SP2: variants seen among roughly 807,000 people sequenced by gnomAD.
The protein encoded by SP2 is transcription factor Sp2.
Under a neutral mutation model 50.1 loss-of-function variants are expected in SP2, and 9 were observed. The ratio of observed to expected loss-of-function variants is 0.18; its 90% CI spans 0.11 to 0.31. The LOEUF is 0.31. Among genes scored for constraint, SP2 ranks in the 10% least tolerant of loss-of-function variants. The pLI, the probability that SP2 is intolerant of heterozygous loss-of-function variation, is 1.00. For synonymous variants in SP2, 313 were observed against 326.6 expected (o/e 0.96, Z 0.45); for missense variants, 581 against 806.5 (o/e 0.72, Z 3.39).
chr17:47,901,144 G>A (rs946086371), intron 1 of SP2, among the ~76,000 whole-genome samples: 5 of 144,328 alleles, frequency 3.5e-5, no homozygotes, highest in South Asian at 2.2e-4. Flanking sequence ...AAGTGCCTTC[G>A]TTATCTTTTT....
intron 1 of SP2, chr17:47,897,309 T>C (rs557220785): frequency 1.3e-5 from 2 of 152,378 alleles, no homozygotes; most frequent in Non-Finnish European, 2.9e-5. Flanking sequence ...ATTCCTTGGT[T>C]TTGATTGCAA....
chr17:47,928,891 G>C lies in SP2; in HGVS notation c.*1067G>C, dbSNP rs2035757470. 1 of 152,620 alleles carries C rather than the reference G, an allele frequency of 6.6e-6. No homozygotes were observed. The allele number at this position is 152,620 out of a possible 1,614,324, so 9.5% of individuals were successfully genotyped here. On this transcript the variant is annotated 3_prime_UTR_variant, in exon 7 of 7. Transcript: ENST00000376741. Reference sequence around the variant, plus strand: ...TATCCTTTATTAACGTACTTTGTTGGTCAGCACTGGGCTGACAAAAATTTT... The same window carrying C: ...TATCCTTTATTAACGTACTTTGTTGCTCAGCACTGGGCTGACAAAAATTTT...
intron 1 of SP2, among the ~76,000 whole-genome samples, chr17:47,910,008 C>T (rs141612510): frequency 0.038 from 5,739 of 152,194 alleles, 134 homozygotes; most frequent in Middle Eastern, 0.079. Flanking sequence ...CCACCACACC[C>T]GGCTAATTTT....
At chr17:47,912,083 G>C (rs552173745) in intron 1 of SP2, among the ~76,000 whole-genome samples, 16 of 152,272 alleles carry the variant, frequency 1.1e-4, no homozygotes, top group Non-Finnish European at 1.9e-4. Flanking sequence ...CCATGCTCTT[G>C]ATGTATCCAT....
chr17:47,913,597 G>A (rs996852287), intron 1 of SP2, among the ~76,000 whole-genome samples: 11 of 151,960 alleles, frequency 7.2e-5, no homozygotes, highest in African/African-American at 2.7e-4. Context: ...TATTAGGGAC[G>A]GGGTCTAACT....
rs2035209197 is a variant in SP2 at position 47,916,549 on chromosome 17, C to T, written c.478C>T (p.Pro160Ser). 2 of 1,614,136 alleles carry T rather than the reference C, an allele frequency of 1.2e-6. No homozygotes were observed. Among genetic ancestry groups the T allele is most frequent in the Non-Finnish European group, 8.5e-7 (1 of 1,180,030 alleles). Residue 160 changes from proline (P) to serine (S), a missense_variant, in exon 3 of 7, where the codon CCT becomes TCT. Around this residue, in one of 2 missense-constraint regions of SP2, gnomAD observed 397 missense variants for 491.0 expected, o/e 0.81. Transcript: ENST00000376741. This position sits in a 1 kb window ranked among gnomAD's most constrained non-coding sequence, Gnocchi z 4.7. ...PNLTNQIQII[P>S]GTNQAIITPS... ...TCTCACCAACCAGATCCAGATCATC[C>T]CTGGCACCAACCAAGCCATCATCAC...
intron 1 of SP2, among the ~76,000 whole-genome samples, chr17:47,903,270 A>G (rs1732231070): frequency 6.6e-6 from 1 of 152,256 alleles, no homozygotes; most frequent in Non-Finnish European, 1.5e-5. Context: ...CAACCCAATC[A>G]TTTAGAATTT....
In SP2 at chr17:47,925,529, C is replaced by G; in HGVS notation, c.1729C>G (p.Arg577Gly). The G allele has an allele frequency of 6.2e-7, 1 of 1,613,786 alleles. No individual in the cohort carries two copies. ...TRSDELQRHA[R>G]THTGDKRFEC... ...GAGTGACGAGCTCCAACGGCATGCT[C>G]GCACCCACACAGGTCAGCCCCCTGC... Residue 577 changes from arginine (R) to glycine (G), a missense_variant, in exon 6 of 7, where the codon CGC (arginine) becomes GGC (glycine). Arg to Gly is a moderately radical substitution (Grantham distance 125). Coordinates refer to ENST00000376741, the MANE Select transcript of SP2 (RefSeq NM_003110.6).
intron 1 of SP2, among the ~76,000 whole-genome samples, chr17:47,896,897 C>T (rs1396987765): frequency 6.6e-6 from 1 of 152,206 alleles, no homozygotes; most frequent in African/African-American, 2.4e-5. Flanking sequence ...CGAGAGCACT[C>T]CCTGGGCAGA....
intron 3 of SP2, among the ~76,000 whole-genome samples, chr17:47,920,312 C>T (rs1371015157): frequency 2.4e-4 from 35 of 144,798 alleles, no homozygotes; most frequent in African/African-American, 9.1e-4. Context: ...TTTTTGGAGA[C>T]GAAGTCTCAC....
chr17:47,896,236 A>G lies in SP2; in HGVS notation c.-51A>G, dbSNP rs2034320318. The G allele has an allele frequency of 8.1e-7, 1 of 1,236,062 alleles. No individual in the cohort carries two copies. The highest frequency in any genetic ancestry group is 1.0e-6 in the Non-Finnish European group (1 of 988,042). 76.6% of individuals were successfully genotyped at this position (1,236,062 alleles called of 1,614,324 possible). ...TGGCGGTTGCTTGGCGGGCGGTGTC[A>G]GGCTCTCGGTGGCGGCGGAGGCGGC... On this transcript the variant is annotated 5_prime_UTR_variant, in exon 1 of 7. Coordinates refer to ENST00000376741, the MANE Select transcript of SP2 (RefSeq NM_003110.6).
At chr17:47,896,706 C>T (rs923795961) in intron 1 of SP2, among the ~76,000 whole-genome samples, 1 of 152,236 alleles carries the variant, frequency 6.6e-6, no homozygotes, top group Non-Finnish European at 1.5e-5. Flanking sequence ...CGCCCCGTGT[C>T]TGAGAGGCCT....
At chr17:47,926,766 A>T (rs1268391935) in intron 6 of SP2, among the ~76,000 whole-genome samples, 69 of 152,042 alleles carry the variant, frequency 4.5e-4, no homozygotes. Context: ...TCTTAAAAAA[A>T]AAAAAGGATT....
rs919704803 is a variant in SP2, at chr17:47,896,271, G to A, written c.-16G>A. On this transcript the variant is annotated 5_prime_UTR_variant, in exon 1 of 7. Coordinates refer to ENST00000376741, the MANE Select transcript of SP2 (RefSeq NM_003110.6). ...TGGCGGCGGAGGCGGCGGAGGCCAGGGAGGAAGATGTCGTAATGAGCGGTG... is the reference window on the plus strand; with the variant it reads ...TGGCGGCGGAGGCGGCGGAGGCCAGAGAGGAAGATGTCGTAATGAGCGGTG... 8.1e-7 allele frequency: 1 copy of A among 1,240,254 alleles called. No homozygotes were observed. The highest frequency in any genetic ancestry group is 1.0e-6 in the Non-Finnish European group (1 of 988,822). 76.8% of individuals were successfully genotyped at this position (1,240,254 alleles called of 1,614,324 possible).
At chr17:47,901,629 G>T (rs1051400043) in intron 1 of SP2, among the ~76,000 whole-genome samples, 2 of 152,116 alleles carry the variant, frequency 1.3e-5, no homozygotes, top group South Asian at 4.1e-4. Context: ...GATGAGAGGC[G>T]TGCGCTTTGA....
intron 4 of SP2, 46 bp downstream of exon 4, chr17:47,923,320 C>G: frequency 1.4e-6 from 2 of 1,476,420 alleles, no homozygotes; most frequent in Non-Finnish European, 1.8e-6. Flanking sequence ...GGTACCTGCT[C>G]CTAGCAGGTG....
Position 47,927,878 on chromosome 17 carries a change from TGG to T in SP2, c.*56_*57del. Reference sequence around the variant, plus strand: ...TGCAGTCCCCCACCTGTGTCCTCCCTGGGCCCCTGGTGGAAAGGAGCCCTGTG... The same window carrying T: ...TGCAGTCCCCCACCTGTGTCCTCCCTGCCCCTGGTGGAAAGGAGCCCTGTG... On this transcript the variant is annotated 3_prime_UTR_variant, in exon 7 of 7. Transcript: ENST00000376741. The T allele has an allele frequency of 3.6e-6, 4 of 1,117,776 alleles. No individual in the cohort carries two copies. Among genetic ancestry groups the T allele is most frequent in the Non-Finnish European group, 5.3e-6 (4 of 751,028 alleles). 69.2% of individuals were successfully genotyped at this position (1,117,776 alleles called of 1,614,324 possible).
At chr17:47,917,202 GC>G in intron 3 of SP2, 72 bp downstream of exon 3, 1 of 1,430,370 alleles carries the variant, frequency 7.0e-7, no homozygotes, top group Non-Finnish European at 9.5e-7. Context: ...TGAAGATGAT[GC>G]TGGTCATCTC....
chr17:47,922,935 T>G, intron 3 of SP2, 27 bp from the exon 4 acceptor site: 3 of 1,589,340 alleles, frequency 1.9e-6, no homozygotes, highest in Middle Eastern at 3.4e-4. Context: ...TTCCAGGCAC[T>G]GATTTTTTTT....
Sources: gnomAD v4.1 joint callset for allele counts (sites outside exome capture counted in the v4.1 genomes callset) on GRCh38, gnomAD v4.1.1 for gene constraint, gnomAD v4.1.1 regional missense constraint, Gnocchi (gnomAD v3.1) non-coding constraint, MANE v1.5 for transcripts, NCBI Gene and HGNC (gene_info 2026-07-23, HGNC 2026-07-21) for gene names.